The following ZFHX3 variants were observed in gnomAD, a reference collection of about 807,000 sequenced individuals.
ZFHX3 encodes zinc finger homeobox protein 3.
Under a neutral mutation model 279.1 loss-of-function variants are expected in ZFHX3, and 42 were observed. The ratio of observed to expected loss-of-function variants is 0.15; its 90% CI spans 0.12 to 0.19. The LOEUF (loss-of-function observed/expected upper bound fraction) is 0.19. ZFHX3 is among the 10% of genes least tolerant of loss of function. The pLI, the probability that ZFHX3 is intolerant of heterozygous loss-of-function variation, is 1.00. For missense variants in ZFHX3, 4,981 were observed against 4,754.0 expected, an observed-to-expected ratio of 1.05 and a Z score of -1.40; for synonymous variants, 2,293 against 1,957.8, an observed-to-expected ratio of 1.17 and a Z score of -4.52.
Position 72,813,927 on chromosome 16 carries a change from C to T in ZFHX3, c.3530-1889G>A, listed in dbSNP as rs539330018. Among the ~76,000 whole-genome samples the T allele has an allele frequency of 2.0e-5, 3 of 152,276 alleles. No individual in the cohort carries two copies. In the East Asian group the frequency reaches 5.8e-4, roughly 29 times the overall value. On this transcript the variant is annotated intron_variant, in intron 5 of 9. Coordinates refer to ENST00000268489, the MANE Select transcript of ZFHX3 (RefSeq NM_006885.4). ...GATGGGCCGCTCCTGAACACATCTA[C>T]ATTTGGAGTCCTTAATTAATGTTTC...
chr16:73,459,588 G>A (rs1229162379), intron 2 of ZFHX3, among the ~76,000 whole-genome samples: 3 of 152,160 alleles, frequency 2.0e-5, no homozygotes, highest in Non-Finnish European at 2.9e-5. Context: ...GGCTGGTCTC[G>A]AACTCCTGGC....
At chr16:73,196,150 G>GTTTTT (rs11357649) in intron 5 of ZFHX3, among the ~76,000 whole-genome samples, 1 of 104,930 alleles carries the variant, frequency 9.5e-6, no homozygotes, top group Non-Finnish European at 1.9e-5. Context: ...TCTTGAAATA[G>GTTTTT]TTTTTTTTTT....
chr16:73,827,704 T>G (rs1481640442), intron 1 of ZFHX3, among the ~76,000 whole-genome samples: 1 of 46,264 alleles, frequency 2.2e-5, no homozygotes, highest in Non-Finnish European at 4.0e-5. Flanking sequence ...TTCCATGTAG[T>G]TGAGCGGCTT....
intron 1 of ZFHX3, among the ~76,000 whole-genome samples, chr16:73,703,376 A>G (rs1475959718): frequency 2.0e-5 from 3 of 151,870 alleles, no homozygotes; most frequent in Non-Finnish European, 4.4e-5. Flanking sequence ...ATAACAACCC[A>G]CCTAAAGAAA....
chr16:72,845,992 C>A (rs1413960178), intron 4 of ZFHX3, among the ~76,000 whole-genome samples: 3 of 152,206 alleles, frequency 2.0e-5, no homozygotes, highest in Non-Finnish European at 4.4e-5. Context: ...GGAGAACACA[C>A]ACTTGTGCTT....
intron 1 of ZFHX3, among the ~76,000 whole-genome samples, chr16:73,768,808 G>A (rs1443629827): frequency 2.0e-5 from 3 of 152,158 alleles, no homozygotes; most frequent in African/African-American, 4.8e-5. Context: ...GTGATGAGTA[G>A]TGGCGACCTA....
intron 5 of ZFHX3, among the ~76,000 whole-genome samples, chr16:72,825,689 G>A (rs927200858): frequency 6.6e-6 from 1 of 152,218 alleles, no homozygotes; most frequent in African/African-American, 2.4e-5. Context: ...TTATGCAGCC[G>A]TTATAATTAC....
chr16:73,808,650 G>T (rs541887950), intron 1 of ZFHX3: 2 of 152,332 alleles, frequency 1.3e-5, no homozygotes, highest in East Asian at 3.9e-4. Flanking sequence ...CTGGGTAAGA[G>T]ATTTAAAAGC....
chr16:73,001,784 C>T lies in ZFHX3; in HGVS notation c.-49-41590G>A, dbSNP rs1342977510. ...GCAGTGAGCCCTGACTGCACCACCACGCACTTCAGCTTGGACAAGACAGTG... is the reference window on the plus strand; with the variant it reads ...GCAGTGAGCCCTGACTGCACCACCATGCACTTCAGCTTGGACAAGACAGTG... On this transcript the variant is annotated intron_variant, in intron 1 of 9. Transcript: ENST00000268489. Among the ~76,000 whole-genome samples the T allele has an allele frequency of 1.7e-4, 26 of 151,524 alleles. No homozygotes were observed. The East Asian group carries it at 3.1e-3, about 18-fold the overall frequency.
At chr16:73,577,872 T>C (rs1453113528) in intron 2 of ZFHX3, among the ~76,000 whole-genome samples, 1 of 152,212 alleles carries the variant, frequency 6.6e-6, no homozygotes, top group Non-Finnish European at 1.5e-5. Flanking sequence ...AACGTCATAG[T>C]TACAAACACG....
chr16:72,939,180 C>A (rs140389513), intron 3 of ZFHX3, among the ~76,000 whole-genome samples: 1 of 152,256 alleles, frequency 6.6e-6, no homozygotes, highest in East Asian at 1.9e-4. Context: ...ACAGTGAAAA[C>A]CATCTTGGAG....
At chr16:73,781,708 G>C (rs990843821) in intron 1 of ZFHX3, among the ~76,000 whole-genome samples, 2 of 152,170 alleles carry the variant, frequency 1.3e-5, no homozygotes, top group African/African-American at 4.8e-5. Flanking sequence ...TAAACAAGAG[G>C]TCGGGCGTGG....
intron 1 of ZFHX3, among the ~76,000 whole-genome samples, chr16:73,800,415 C>A (rs1267786123): frequency 6.6e-6 from 1 of 152,094 alleles, no homozygotes; most frequent in East Asian, 1.9e-4. Flanking sequence ...CGGGGTTTCA[C>A]CATATTGGTC....
chr16:72,986,217 A>G (rs11640106), intron 1 of ZFHX3, among the ~76,000 whole-genome samples: 55,767 of 151,708 alleles, frequency 0.37, 10,666 homozygotes, highest in Admixed American at 0.41. Flanking sequence ...CCTGCCCCCA[A>G]CTTCAGGAAG....
At chr16:73,836,311 A>G (rs1209388608) in intron 1 of ZFHX3, among the ~76,000 whole-genome samples, 2 of 152,220 alleles carry the variant, frequency 1.3e-5, no homozygotes, top group Middle Eastern at 6.3e-3. Context: ...TGAGGATGGC[A>G]TTTAACATAA....
Position 72,797,421 on chromosome 16 carries a change from G to A in ZFHX3, c.5261C>T (p.Ala1754Val), listed in dbSNP as rs762343997. The change falls in exon 9 of 10, where the codon GCT (alanine) becomes GTT (valine). Residue 1754 changes from alanine to valine, a missense_variant. Around this residue, in one of 7 missense-constraint regions of ZFHX3, gnomAD observed 1,751 missense variants for 1,770.0 expected, o/e 0.99. Transcript: ENST00000268489. Reference sequence around the variant, plus strand: ...TTGCTGCAGCTCCTGCTGCAGGTGAGCTTGAACTTGAGCCTGGGCCTGGGC... The same window carrying A: ...TTGCTGCAGCTCCTGCTGCAGGTGAACTTGAACTTGAGCCTGGGCCTGGGC... Reference protein sequence around the residue: ...TLAQAQAQVQAHLQQELQQQA... With the variant: ...TLAQAQAQVQVHLQQELQQQA... 1.2e-6 allele frequency: 2 copies of A among 1,612,800 alleles called. No homozygotes were observed. Among genetic ancestry groups the A allele is most frequent in the Non-Finnish European group, 1.7e-6 (2 of 1,179,470 alleles).
At chr16:72,900,155 A>C (rs866337784) in intron 3 of ZFHX3, among the ~76,000 whole-genome samples, 31 of 149,654 alleles carry the variant, frequency 2.1e-4, no homozygotes, top group South Asian at 4.2e-4. Flanking sequence ...AAAAAAAAAA[A>C]CAAGAAGTGT....
intron 7 of ZFHX3, among the ~76,000 whole-genome samples, chr16:73,122,372 ATT>A (rs1355827485): frequency 4.3e-5 from 6 of 138,932 alleles, no homozygotes; most frequent in Admixed American, 7.2e-5. Flanking sequence ...TAATTTTTGT[ATT>A]TTTTTTTTTT....
chr16:73,697,611 G>T (rs1474271492), intron 1 of ZFHX3, among the ~76,000 whole-genome samples: 1 of 152,116 alleles, frequency 6.6e-6, no homozygotes, highest in East Asian at 1.9e-4. Context: ...ATATACCCAA[G>T]AATCAAGACT....
Sources: gnomAD v4.1 joint callset for allele counts (sites outside exome capture counted in the v4.1 genomes callset) on GRCh38, gnomAD v4.1.1 for gene constraint, gnomAD v4.1.1 regional missense constraint, MANE v1.5 for transcripts, NCBI Gene and HGNC (gene_info 2026-07-23, HGNC 2026-07-21) for gene names.